Variants in NXN observed in about 807,000 individuals in gnomAD.
The protein encoded by NXN is nucleoredoxin.
Under a neutral mutation model 48.6 loss-of-function variants are expected in NXN, and 16 were observed. That is an observed-to-expected ratio of 0.33 (90% CI 0.22 to 0.50). NXN has a LOEUF of 0.50. NXN is among the 20% of genes least tolerant of loss of function. NXN has a pLI of 0.98. For synonymous variants in NXN, 281 were observed against 269.6 expected (o/e 1.04, Z -0.41); for missense variants, 492 against 605.5 (o/e 0.81, Z 1.97).
Position 811,885 on chromosome 17 carries a change from T to TATA in NXN, c.821-6641_821-6639dup, listed in dbSNP as rs1283445781. ...GTGATTCTCAAAACCCCAAGATGCT[T>TATA]ATAGGACTCCGGGTTGTGCGGTTAC... On this transcript the variant is annotated intron_variant, in intron 5 of 7. Coordinates refer to ENST00000336868, the MANE Select transcript of NXN (RefSeq NM_022463.5). 5.3e-5 allele frequency among the ~76,000 whole-genome samples: 8 copies of TATA among 150,704 alleles called. No individual in the cohort carries two copies. In the South Asian group the frequency reaches 1.3e-3, roughly 24 times the overall value.
intron 1 of NXN, among the ~76,000 whole-genome samples, chr17:952,853 G>A (rs935854492): frequency 4.6e-5 from 7 of 151,736 alleles, no homozygotes; most frequent in South Asian, 2.1e-4. Context: ...GTTGGAACCC[G>A]GCAGGTACCA....
At chr17:901,088 T>A (rs1383039472) in intron 1 of NXN, among the ~76,000 whole-genome samples, 1 of 151,940 alleles carries the variant, frequency 6.6e-6, no homozygotes, top group Non-Finnish European at 1.5e-5. Context: ...GCCTGGCTAA[T>A]TTTTGTATTT....
rs2068844628 is a variant in NXN at position 930,765 on chromosome 17, T to C, written c.360+48554A>G. Reference sequence around the variant, plus strand: ...TGGTATACCAAGAGGACAAAGAAAGTTGAGTTTGCTTTTTTTTTTTTTTTA... The same window carrying C: ...TGGTATACCAAGAGGACAAAGAAAGCTGAGTTTGCTTTTTTTTTTTTTTTA... On this transcript the variant is annotated intron_variant, in intron 1 of 7. Transcript: ENST00000336868. Among the ~76,000 whole-genome samples the C allele has an allele frequency of 3.1e-5, 4 of 130,750 alleles. No homozygotes were observed. In the Admixed American group the frequency reaches 3.6e-4, roughly 12 times the overall value. 85.8% of individuals were successfully genotyped at this position (130,750 alleles called of 152,430 possible). A position where few individuals can be genotyped will look rare whatever the true frequency, so the allele number is the denominator to read the frequency against.
chr17:892,851 C>A (rs12945571), intron 1 of NXN, among the ~76,000 whole-genome samples: 51,243 of 152,056 alleles, frequency 0.34, 10,744 homozygotes, highest in East Asian at 0.57. Flanking sequence ...CCAACACAAA[C>A]AATAAACCCT....
intron 1 of NXN, among the ~76,000 whole-genome samples, chr17:848,534 A>G (rs373392344): frequency 5.4e-4 from 83 of 152,384 alleles, no homozygotes; most frequent in African/African-American, 1.9e-3. Context: ...GTCATTAAGA[A>G]AAAATAAAGC....
intron 7 of NXN, among the ~76,000 whole-genome samples, chr17:803,138 G>A (rs1419258884): frequency 6.6e-6 from 1 of 152,224 alleles, no homozygotes; most frequent in African/African-American, 2.4e-5. Context: ...TTCCCACCCT[G>A]TGAAGAGTCT....
intron 1 of NXN, among the ~76,000 whole-genome samples, chr17:977,940 G>A (rs947651898): frequency 6.6e-6 from 1 of 152,188 alleles, no homozygotes; most frequent in Admixed American, 6.6e-5. Context: ...GTGAACCTAT[G>A]TTTTCCCAAT....
At chr17:872,343 G>A (rs559807097) in intron 1 of NXN, among the ~76,000 whole-genome samples, 2 of 151,728 alleles carry the variant, frequency 1.3e-5, no homozygotes, top group Non-Finnish European at 2.9e-5. Context: ...AAGACAAGGA[G>A]AGAGACAGAG....
At chr17:883,804 T>C (rs1212435375) in intron 1 of NXN, among the ~76,000 whole-genome samples, 1 of 152,162 alleles carries the variant, frequency 6.6e-6, no homozygotes, top group South Asian at 2.1e-4. Context: ...CCAGGTGCGG[T>C]GCTTACGCCT....
chr17:820,392 A>G (rs1248020022), intron 4 of NXN, among the ~76,000 whole-genome samples: 1 of 152,046 alleles, frequency 6.6e-6, no homozygotes, highest in Non-Finnish European at 1.5e-5. Flanking sequence ...CAGGTGAATC[A>G]TGAGGTCAAG....
rs571601948 is a variant in NXN at position 853,702 on chromosome 17, C to CATATATATATATATAT, written c.361-27640_361-27625dup. ...TACTTCTCACTATTTCTGTTATACA[C>CATATATATATATATAT]ATATATATATATATATATATATTTT... On this transcript the variant is annotated intron_variant, in intron 1 of 7. Coordinates refer to ENST00000336868, the MANE Select transcript of NXN (RefSeq NM_022463.5). Among the ~76,000 whole-genome samples the CATATATATATATATAT allele has an allele frequency of 9.2e-4, 110 of 119,270 alleles. 1 individual carries two copies. Among genetic ancestry groups the CATATATATATATATAT allele is most frequent in the Middle Eastern group, 4.9e-3 (1 of 204 alleles). 78.2% of individuals were successfully genotyped at this position (119,270 alleles called of 152,430 possible). A position where few individuals can be genotyped will look rare whatever the true frequency, so the allele number is the denominator to read the frequency against.
chr17:809,233 C>T (rs375060907), intron 5 of NXN, among the ~76,000 whole-genome samples: 4 of 152,324 alleles, frequency 2.6e-5, no homozygotes, highest in African/African-American at 4.8e-5. Context: ...GCTTGGAACA[C>T]GGACTCTAAG....
rs918647466 is a variant in NXN at position 958,544 on chromosome 17, G to A, written c.360+20775C>T. On this transcript the variant is annotated intron_variant, in intron 1 of 7. Coordinates refer to ENST00000336868, the MANE Select transcript of NXN (RefSeq NM_022463.5). This position sits in a 1 kb window ranked among gnomAD's most constrained non-coding sequence, Gnocchi z 6.9. ...TCCCAGCACTTTGGGAGGCCGAAGC[G>A]GGTGGATCACGAGGTCAGGAGTTCG... 1.5e-4 allele frequency among the ~76,000 whole-genome samples: 23 copies of A among 152,228 alleles called. No individual in the cohort carries two copies. The highest frequency in any genetic ancestry group is 2.9e-4 in the African/African-American group (12 of 41,542).
intron 1 of NXN, among the ~76,000 whole-genome samples, chr17:858,459 G>T (rs1009549580): frequency 6.6e-6 from 1 of 152,272 alleles, no homozygotes; most frequent in Non-Finnish European, 1.5e-5. Context: ...TGGGCGCGGT[G>T]GCTCACGCCT....
intron 1 of NXN, among the ~76,000 whole-genome samples, chr17:884,328 C>T (rs1460850751): frequency 6.6e-6 from 1 of 152,026 alleles, no homozygotes; most frequent in Admixed American, 6.6e-5. Flanking sequence ...TCCCTTGAAC[C>T]CAGAAGTTTG....
intron 1 of NXN, among the ~76,000 whole-genome samples, chr17:843,141 C>T (rs1251021915): frequency 2.0e-5 from 3 of 152,164 alleles, no homozygotes; most frequent in Non-Finnish European, 4.4e-5. Flanking sequence ...ATAATGGCCA[C>T]GAATGAAGAG....
intron 1 of NXN, among the ~76,000 whole-genome samples, chr17:912,469 T>C (rs890673350): frequency 2.0e-5 from 3 of 152,126 alleles, no homozygotes; most frequent in Admixed American, 6.6e-5. Context: ...AGAGACCCCG[T>C]CTACATCCTT....
At chr17:881,396 C>T (rs9892880) in intron 1 of NXN, among the ~76,000 whole-genome samples, 32,726 of 151,978 alleles carry the variant, frequency 0.22, 3,667 homozygotes, top group Middle Eastern at 0.35. Context: ...CCACCACACT[C>T]GAAAATTTTC....
chr17:861,370 G>T (rs943114596), intron 1 of NXN, among the ~76,000 whole-genome samples: 2 of 152,174 alleles, frequency 1.3e-5, no homozygotes, highest in African/African-American at 4.8e-5. Flanking sequence ...CTGAACTCAG[G>T]TGATCCGCCC....
Sources: allele counts gnomAD v4.1 joint callset (sites outside exome capture counted in the v4.1 genomes callset), GRCh38; gene constraint gnomAD v4.1.1; non-coding constraint Gnocchi (gnomAD v3.1); transcripts MANE v1.5; gene names NCBI Gene and HGNC (gene_info 2026-07-23, HGNC 2026-07-21).